Variants in CECR2 observed in about 807,000 individuals in gnomAD.
CECR2 encodes chromatin remodeling regulator CECR2.
CECR2 carries 30 observed loss-of-function variants against 154.5 expected under a neutral mutation model. That is an observed-to-expected ratio of 0.19 (90% confidence interval 0.15 to 0.26). The LOEUF (loss-of-function observed/expected upper bound fraction) is 0.26, where lower values mean the gene tolerates loss of function less well. Among genes scored for constraint, CECR2 ranks in the 10% least tolerant of loss-of-function variants. The pLI is 1.00. For synonymous variants in CECR2, 725 were observed against 683.7 expected (o/e 1.06, Z -0.94); for missense variants, 1,743 against 1,829.3 (o/e 0.95, Z 0.86).
At chr22:17,363,965 G>A (rs953077252) in intron 1 of CECR2, among the ~76,000 whole-genome samples, 31 of 152,180 alleles carry the variant, frequency 2.0e-4, no homozygotes, top group South Asian at 6.2e-4. Context: ...TTAGCTTGGT[G>A]TATAGCCCTC....
At chr22:17,504,752 T>C in intron 6 of CECR2, 95 bp from the exon 7 acceptor site, 1 of 1,178,964 alleles carries the variant, frequency 8.5e-7, no homozygotes, top group South Asian at 1.4e-5. Context: ...AGTTCCTTAT[T>C]TTAGTCATGA....
rs1375356487 is a variant in CECR2 at position 17,524,940 on chromosome 22, T to G, written c.1108+669T>G. 3 of 379,218 alleles carry G rather than the reference T, an allele frequency of 7.9e-6. No individual in the cohort carries two copies. In the East Asian group the frequency reaches 3.7e-4, roughly 47 times the overall value. 23.5% of individuals were successfully genotyped at this position (379,218 alleles called of 1,614,324 possible). On this transcript the variant is annotated intron_variant, in intron 9 of 18. Coordinates refer to ENST00000262608, the MANE Select transcript of CECR2 (RefSeq NM_001290047.2). Reference sequence around the variant, plus strand: ...CCTCGGCCTCCCAAAGTGCTGGGATTACAGGCGTGAGCCACTGTGCCTGCC... The same window carrying G: ...CCTCGGCCTCCCAAAGTGCTGGGATGACAGGCGTGAGCCACTGTGCCTGCC...
At chr22:17,425,266 A>G (rs1233064003) in intron 1 of CECR2, among the ~76,000 whole-genome samples, 1 of 152,064 alleles carries the variant, frequency 6.6e-6, no homozygotes, top group Non-Finnish European at 1.5e-5. Flanking sequence ...AATCTCATGT[A>G]TGTGAACACA....
chr22:17,550,087 A>G (rs749828216), intron 17 of CECR2, among the ~76,000 whole-genome samples: 4 of 152,176 alleles, frequency 2.6e-5, no homozygotes, highest in Non-Finnish European at 4.4e-5. Context: ...ACTCATGAAA[A>G]TGAACTGGCA....
intron 8 of CECR2, among the ~76,000 whole-genome samples, chr22:17,514,529 T>C (rs549940092): frequency 6.8e-4 from 103 of 152,308 alleles, no homozygotes; most frequent in South Asian, 1.2e-3. Flanking sequence ...CCCCACCTTT[T>C]AAAGAAAAAA....
At chr22:17,475,765 C>G (rs1009792166) in intron 1 of CECR2, among the ~76,000 whole-genome samples, 3 of 152,150 alleles carry the variant, frequency 2.0e-5, no homozygotes, top group Admixed American at 6.6e-5. Context: ...CAGCTTAAAA[C>G]ATGAGCCATT....
intron 1 of CECR2, among the ~76,000 whole-genome samples, chr22:17,425,097 T>C (rs1274404560): frequency 6.6e-6 from 1 of 152,220 alleles, no homozygotes; most frequent in Non-Finnish European, 1.5e-5. Flanking sequence ...GCTAAGAAAG[T>C]GTCTTGTGCT....
chr22:17,549,391 T>A lies in CECR2; in HGVS notation c.4104T>A (p.Ala1368=), dbSNP rs774244484. 2 of 1,613,894 alleles carry A rather than the reference T, an allele frequency of 1.2e-6. No homozygotes were observed. Among genetic ancestry groups the A allele is most frequent in the South Asian group, 1.1e-5 (1 of 91,078 alleles). ...FQPRAYSSPV[A]ALPPHHPGAT... ...CCAGGGCTTACTCTTCCCCTGTGGCTGCCCTCCCACCTCACCACCCAGGGG... is the reference window on the plus strand; with the variant it reads ...CCAGGGCTTACTCTTCCCCTGTGGCAGCCCTCCCACCTCACCACCCAGGGG... Residue 1368 remains alanine, a synonymous_variant, in exon 17 of 19, where the codon GCT becomes GCA. Transcript: ENST00000262608.
At position 17,369,569 on chromosome 22, in the gene CECR2, A is replaced by C. The variant is rs2063029522; in HGVS notation, c.-215A>C. ...GGACCCCGCGGGCAGCCGCAGCCGC[A>C]GCCGCCTCAGTAGTTCGGGCCCCCG... On this transcript the variant is annotated 5_prime_UTR_variant, in exon 1 of 19. Coordinates refer to ENST00000262608, the MANE Select transcript of CECR2 (RefSeq NM_001290047.2). 6.8e-6 allele frequency: 1 copy of C among 147,452 alleles called. No homozygotes were observed. The highest frequency in any genetic ancestry group is 1.5e-5 in the Non-Finnish European group (1 of 66,218). The allele number at this position is 147,452 out of a possible 1,614,324, so 9.1% of individuals were successfully genotyped here. A position where few individuals can be genotyped will look rare whatever the true frequency, so the allele number is the denominator to read the frequency against.
chr22:17,537,900 A>G (rs2147012124), intron 10 of CECR2, among the ~76,000 whole-genome samples: 1 of 152,136 alleles, frequency 6.6e-6, no homozygotes, highest in South Asian at 2.1e-4. Context: ...AGGCTGAGGC[A>G]GGAGAATCAC....
chr22:17,509,431 T>TC (rs1209307410), intron 7 of CECR2, among the ~76,000 whole-genome samples: 5 of 150,990 alleles, frequency 3.3e-5, no homozygotes, highest in South Asian at 4.2e-4. Context: ...TCTTTTCTTT[T>TC]TTTTTTTTTT....
intron 7 of CECR2, among the ~76,000 whole-genome samples, chr22:17,505,407 C>T (rs1283417829): frequency 6.6e-6 from 1 of 152,056 alleles, no homozygotes; most frequent in Admixed American, 6.6e-5. Flanking sequence ...CTTTGCCTGG[C>T]TCTACCTGAT....
chr22:17,478,628 T>TA (rs1453067020), intron 2 of CECR2, among the ~76,000 whole-genome samples: 1 of 152,330 alleles, frequency 6.6e-6, no homozygotes, highest in East Asian at 1.9e-4. Flanking sequence ...GTGCTGGGAT[T>TA]ACAGGCGTGA....
At chr22:17,372,276 AT>A (rs1313730870) in intron 1 of CECR2, among the ~76,000 whole-genome samples, 5 of 152,224 alleles carry the variant, frequency 3.3e-5, no homozygotes, top group Non-Finnish European at 7.3e-5. Flanking sequence ...ATGTTTTGAT[AT>A]GGCTAATGGA....
At chr22:17,372,021 A>C (rs774828045) in intron 1 of CECR2, among the ~76,000 whole-genome samples, 2 of 149,590 alleles carry the variant, frequency 1.3e-5, no homozygotes, top group East Asian at 1.9e-4. Flanking sequence ...TGTAGTTTAC[A>C]TGGTGAATAA....
In CECR2 at chr22:17,542,692, G is replaced by T; in HGVS notation, c.2549G>T (p.Arg850Leu). The stretch of plus-strand genomic sequence containing the variant: ...CCGCCCTGCAAGTCTGCCGGACATC[G>T]GTTACAGCCACCTCCAGTGCCAGCA... Reference protein sequence around the residue: ...MRPPCKSAGHRLQPPPVPAPS... With the variant: ...MRPPCKSAGHLLQPPPVPAPS... Residue 850 changes from arginine to leucine, a missense_variant, in exon 16 of 19, where the codon CGG (arginine) becomes CTG (leucine). Transcript: ENST00000262608. 6.2e-7 allele frequency: 1 copy of T among 1,613,978 alleles called. No individual in the cohort carries two copies. Among genetic ancestry groups the T allele is most frequent in the Non-Finnish European group, 8.5e-7 (1 of 1,179,896 alleles).
In CECR2 at chr22:17,452,230, G is replaced by A. The variant is rs143129463; in HGVS notation, c.127-25358G>A. On this transcript the variant is annotated intron_variant, in intron 1 of 18. Transcript: ENST00000262608. ...TGGGATTACACGTGTGAGCCACCACGCCAGACTAATTTTTGTATTTTTCGT... is the reference window on the plus strand; with the variant it reads ...TGGGATTACACGTGTGAGCCACCACACCAGACTAATTTTTGTATTTTTCGT... Among the ~76,000 whole-genome samples the A allele has an allele frequency of 6.8e-3, 1,036 of 152,156 alleles. 12 individuals are homozygous for A. The highest frequency in any genetic ancestry group is 0.014 in the Admixed American group (216 of 15,268).
chr22:17,548,937 A>G lies in CECR2; in HGVS notation c.3650A>G (p.His1217Arg). The G allele has an allele frequency of 1.9e-6, 3 of 1,613,736 alleles. No individual in the cohort carries two copies. The highest frequency in any genetic ancestry group is 2.5e-6 in the Non-Finnish European group (3 of 1,179,810). Residue 1217 changes from histidine to arginine, a missense_variant, in exon 17 of 19, where the codon CAT (histidine) becomes CGT (arginine). By Grantham distance (29) the His-to-Arg change is conservative. Transcript: ENST00000262608. ...QSFSDWQRPL[H>R]PQGSPSGPPA... The stretch of plus-strand genomic sequence containing the variant: ...TTTTCTGACTGGCAGAGACCTCTCC[A>G]TCCCCAGGGAAGCCCAAGCGGACCC...
At chr22:17,525,812 C>A (rs1024040651) in intron 9 of CECR2, among the ~76,000 whole-genome samples, 3 of 152,018 alleles carry the variant, frequency 2.0e-5, no homozygotes, top group African/African-American at 7.2e-5. Context: ...ATTGGGTACA[C>A]CTGTCATTTT....
Sources: allele counts gnomAD v4.1 joint callset (sites outside exome capture counted in the v4.1 genomes callset), GRCh38; gene constraint gnomAD v4.1.1; transcripts MANE v1.5; gene names NCBI Gene and HGNC (gene_info 2026-07-23, HGNC 2026-07-21).